The following ATP6V0A4 variants were observed in gnomAD, a reference collection of about 807,000 sequenced individuals.
ATP6V0A4 encodes the protein ATPase H+ transporting V0 subunit a4.
A neutral mutation model predicts 107.3 loss-of-function variants in ATP6V0A4; 86 were observed. The observed-to-expected ratio is 0.80, with a 90% CI of 0.67 to 0.96. ATP6V0A4 has a LOEUF of 0.96. Ranked by LOEUF, ATP6V0A4 falls within the 40% of genes least tolerant of loss-of-function variation. The pLI is 0.00. For missense variants in ATP6V0A4, 908 were observed against 1,045.6 expected, an observed-to-expected ratio of 0.87 and a Z score of 1.81; for synonymous variants, 353 against 381.4, an observed-to-expected ratio of 0.93 and a Z score of 0.87.
intron 11 of ATP6V0A4, among the ~76,000 whole-genome samples, chr7:138,751,970 A>G (rs1806250689): frequency 1.3e-5 from 2 of 152,124 alleles, no homozygotes; most frequent in South Asian, 4.1e-4. Context: ...GCCTGTGAAC[A>G]GCCCTGCACT....
At chr7:138,739,242 T>C (rs947259212) in intron 15 of ATP6V0A4, among the ~76,000 whole-genome samples, 1 of 152,212 alleles carries the variant, frequency 6.6e-6, no homozygotes, top group Non-Finnish European at 1.5e-5. Flanking sequence ...GTAATATGCA[T>C]ACTCCCCAGG....
chr7:138,714,356 T>C (rs1803919463), intron 20 of ATP6V0A4, among the ~76,000 whole-genome samples: 5 of 151,784 alleles, frequency 3.3e-5, no homozygotes, highest in African/African-American at 2.4e-5. Context: ...GAGATCAAGA[T>C]GGGGCTTACA....
chr7:138,728,714 C>T, intron 18 of ATP6V0A4, 47 bp downstream of exon 18: 1 of 1,612,380 alleles, frequency 6.2e-7, no homozygotes, highest in Non-Finnish European at 8.5e-7. Flanking sequence ...TTCCAGAAAC[C>T]CACATTCTTA....
chr7:138,734,020 C>G (rs1584909016), intron 16 of ATP6V0A4, 116 bp downstream of exon 16: 14 of 1,200,008 alleles, frequency 1.2e-5, no homozygotes, highest in Non-Finnish European at 1.7e-5. Context: ...AGGGAAGTAC[C>G]CCTCATAGGA....
At chr7:138,765,235 A>T (rs1807026304) in intron 5 of ATP6V0A4, among the ~76,000 whole-genome samples, 1 of 152,164 alleles carries the variant, frequency 6.6e-6, no homozygotes, top group East Asian at 1.9e-4. Flanking sequence ...TCCGCCCATC[A>T]TCCAGCTTCA....
chr7:138,770,307 T>C (rs1807318541), intron 3 of ATP6V0A4, among the ~76,000 whole-genome samples: 1 of 152,060 alleles, frequency 6.6e-6, no homozygotes, highest in South Asian at 2.1e-4. Flanking sequence ...TCTGTCCTCA[T>C]CTAAGTTTAC....
intron 2 of ATP6V0A4, among the ~76,000 whole-genome samples, chr7:138,774,410 C>G (rs1171605753): frequency 6.6e-6 from 1 of 151,728 alleles, no homozygotes; most frequent in Non-Finnish European, 1.5e-5. Flanking sequence ...GAAATCCTGT[C>G]TCTACTAAAA....
intron 20 of ATP6V0A4, 105 bp downstream of exon 20, chr7:138,715,659 T>C (rs556539582): frequency 3.2e-4 from 476 of 1,469,442 alleles, no homozygotes; most frequent in Non-Finnish European, 4.4e-4. Flanking sequence ...TTGGCAAACA[T>C]CCACAAATAG....
At chr7:138,780,927 A>T (rs989341853) in intron 2 of ATP6V0A4, among the ~76,000 whole-genome samples, 7 of 152,078 alleles carry the variant, frequency 4.6e-5, no homozygotes, top group African/African-American at 1.7e-4. Flanking sequence ...TAAAAAAAAA[A>T]TTAAAAAAAA....
Position 138,707,695 on chromosome 7 carries a change from T to A in ATP6V0A4, c.2430-978A>T, listed in dbSNP as rs150160307. On this transcript the variant is annotated intron_variant, in intron 21 of 21. Transcript: ENST00000310018. Reference sequence around the variant, plus strand: ...GGGATTACAGGTGTAAGCCACTGCATCCAGGCCATGAATCTGAGGATTTTT... The same window carrying A: ...GGGATTACAGGTGTAAGCCACTGCAACCAGGCCATGAATCTGAGGATTTTT... 4.5e-3 allele frequency among the ~76,000 whole-genome samples: 677 copies of A among 151,400 alleles called. 8 individuals are homozygous for A. The highest frequency in any genetic ancestry group is 0.027 in the South Asian group (128 of 4,804).
At chr7:138,721,647 T>C (rs1804427136) in intron 19 of ATP6V0A4, among the ~76,000 whole-genome samples, 1 of 152,182 alleles carries the variant, frequency 6.6e-6, no homozygotes. Context: ...ACCTGACACA[T>C]ACAGATGCAG....
chr7:138,767,366 T>C (rs530750332), intron 5 of ATP6V0A4, among the ~76,000 whole-genome samples: 19 of 151,994 alleles, frequency 1.3e-4, no homozygotes, highest in Admixed American at 9.8e-4. Flanking sequence ...CTACTAAAAA[T>C]ACAAAAATTA....
intron 20 of ATP6V0A4, among the ~76,000 whole-genome samples, chr7:138,711,011 A>G (rs1803710124): frequency 6.6e-6 from 1 of 152,180 alleles, no homozygotes; most frequent in Non-Finnish European, 1.5e-5. Context: ...AGGAAACTAA[A>G]GTTCCGAAAA....
chr7:138,798,068 G>A lies in ATP6V0A4; in HGVS notation c.-155C>T, dbSNP rs751828183. 16 of 1,572,172 alleles carry A rather than the reference G, an allele frequency of 1.0e-5. No homozygotes were observed. The Admixed American group carries it at 2.3e-4, about 22-fold the overall frequency. On this transcript the variant is annotated 5_prime_UTR_variant, in exon 1 of 22. Coordinates refer to ENST00000310018, the MANE Select transcript of ATP6V0A4 (RefSeq NM_020632.3). Reference sequence around the variant, plus strand: ...GCACTCGGCACAACTCCGCAGGACCGGCTCACCTGCACCGGGCACTCAGCA... The same window carrying A: ...GCACTCGGCACAACTCCGCAGGACCAGCTCACCTGCACCGGGCACTCAGCA...
At chr7:138,751,205 T>C (rs1314933812) in intron 11 of ATP6V0A4, among the ~76,000 whole-genome samples, 1 of 152,078 alleles carries the variant, frequency 6.6e-6, no homozygotes, top group African/African-American at 2.4e-5. Flanking sequence ...GCTAATCACA[T>C]CCTTCTGCAA....
intron 11 of ATP6V0A4, among the ~76,000 whole-genome samples, chr7:138,751,984 G>C (rs370493258): frequency 3.3e-5 from 5 of 152,174 alleles, no homozygotes; most frequent in African/African-American, 1.2e-4. Context: ...CTGCACTCCA[G>C]CCTGGGTGTC....
intron 19 of ATP6V0A4, among the ~76,000 whole-genome samples, chr7:138,716,340 G>A (rs761131470): frequency 1.1e-4 from 17 of 152,078 alleles, no homozygotes; most frequent in African/African-American, 2.7e-4. Flanking sequence ...GAAGTTTCTA[G>A]AAAGGCAAGC....
chr7:138,730,393 C>G (rs1422099868), intron 17 of ATP6V0A4, among the ~76,000 whole-genome samples: 1 of 137,422 alleles, frequency 7.3e-6, no homozygotes, highest in African/African-American at 2.7e-5. Flanking sequence ...TGTGGCTATC[C>G]TTTGATATTC....
chr7:138,724,645 G>A (rs1193129395), intron 18 of ATP6V0A4, among the ~76,000 whole-genome samples: 6 of 152,206 alleles, frequency 3.9e-5, no homozygotes, highest in East Asian at 1.9e-4. Flanking sequence ...GGGGAGGGAC[G>A]TGGCTCAAGT....
Sources: gnomAD v4.1 joint callset for allele counts (sites outside exome capture counted in the v4.1 genomes callset) on GRCh38, gnomAD v4.1.1 for gene constraint, MANE v1.5 for transcripts, NCBI Gene and HGNC (gene_info 2026-07-23, HGNC 2026-07-21) for gene names.